The following CLYBL variants were observed in gnomAD, a reference collection of about 807,000 sequenced individuals.
CLYBL encodes the protein citramalyl-CoA lyase, mitochondrial.
In CLYBL, 31 loss-of-function variants were observed where a neutral mutation model predicts 38.9. The ratio of observed to expected loss-of-function variants is 0.80; its 90% CI spans 0.60 to 1.08. CLYBL has a LOEUF of 1.08. Among genes scored for constraint, CLYBL ranks in the 50% least tolerant of loss-of-function variants. The pLI is 0.00. For missense variants in CLYBL, 434 were observed against 411.6 expected (o/e 1.05, Z -0.47); for synonymous variants, 171 against 158.6 (o/e 1.08, Z -0.59).
intron 1 of CLYBL, among the ~76,000 whole-genome samples, chr13:99,771,744 G>A (rs1244954069): frequency 6.6e-6 from 1 of 152,140 alleles, no homozygotes; most frequent in African/African-American, 2.4e-5. Context: ...TTAGAAGCAG[G>A]CAGGGGCTAC....
At chr13:99,717,039 C>T (rs2048327360) in intron 1 of CLYBL, among the ~76,000 whole-genome samples, 2 of 151,884 alleles carry the variant, frequency 1.3e-5, no homozygotes, top group Non-Finnish European at 2.9e-5. Flanking sequence ...AATCCGCCCA[C>T]CTTGGCCTCG....
chr13:99,634,676 A>C (rs1429953193), intron 1 of CLYBL, among the ~76,000 whole-genome samples: 6 of 152,124 alleles, frequency 3.9e-5, no homozygotes, highest in Admixed American at 3.9e-4. Context: ...TTTTTAAATA[A>C]ATTTTTAAAT....
In CLYBL at chr13:99,869,918, CATT is replaced by C. The variant is rs142865231; in HGVS notation, c.803-1014_803-1012del. On this transcript the variant is annotated intron_variant, in intron 6 of 8. Coordinates refer to ENST00000339105, the MANE Select transcript of CLYBL (RefSeq NM_206808.5). The surrounding 1 kb of genome is among the most constrained non-coding windows in gnomAD (Gnocchi z 4.3). ...TTATCACGTAACAATATAATCTCATCATTATTATAACATTAAATTATGTTGCAT... is the reference window on the plus strand; with the variant it reads ...TTATCACGTAACAATATAATCTCATCATTATAACATTAAATTATGTTGCAT... Among the ~76,000 whole-genome samples the C allele has an allele frequency of 3.0e-3, 459 of 152,042 alleles. 2 individuals are homozygous for C. The highest frequency in any genetic ancestry group is 0.011 in the African/African-American group (441 of 41,500).
intron 1 of CLYBL, among the ~76,000 whole-genome samples, chr13:99,771,107 C>T (rs1369792306): frequency 6.7e-6 from 1 of 148,530 alleles, no homozygotes; most frequent in African/African-American, 2.5e-5. Flanking sequence ...GATCACAGCT[C>T]ATTGCAACCT....
At chr13:99,777,973 G>A (rs144514889) in intron 2 of CLYBL, among the ~76,000 whole-genome samples, 8 of 152,290 alleles carry the variant, frequency 5.3e-5, no homozygotes, top group Non-Finnish European at 8.8e-5. Flanking sequence ...TCACCTGCTC[G>A]TGTATGTCCT....
At chr13:99,637,687 G>A (rs2047038610) in intron 1 of CLYBL, among the ~76,000 whole-genome samples, 2 of 152,326 alleles carry the variant, frequency 1.3e-5, no homozygotes, top group South Asian at 4.1e-4. Flanking sequence ...GAACCCAGGA[G>A]GTGGAGGTTG....
chr13:99,741,440 C>T (rs11616786), intron 1 of CLYBL, among the ~76,000 whole-genome samples: 10,511 of 152,184 alleles, frequency 0.069, 382 homozygotes, highest in Middle Eastern at 0.12. Flanking sequence ...CTTCATCCAT[C>T]GAGGGCTTGT....
chr13:99,685,538 TA>T (rs11355981), intron 1 of CLYBL, among the ~76,000 whole-genome samples: 10,091 of 152,220 alleles, frequency 0.066, 1,120 homozygotes, highest in African/African-American at 0.23. Flanking sequence ...CAACCTCCTC[TA>T]CTGAAACCGA....
chr13:99,903,020 T>TTTCTA (rs2052658343), intron 8 of CLYBL, among the ~76,000 whole-genome samples: 1 of 152,280 alleles, frequency 6.6e-6, no homozygotes. Flanking sequence ...TTCTATTTCC[T>TTTCTA]GTGACCTATC....
intron 1 of CLYBL, among the ~76,000 whole-genome samples, chr13:99,768,246 T>C (rs1441522775): frequency 2.7e-4 from 36 of 134,324 alleles, no homozygotes; most frequent in Admixed American, 4.5e-4. Context: ...CAGGCTGGAG[T>C]GCAAACGGTG....
chr13:99,885,225 G>A, intron 7 of CLYBL: 1 of 383,142 alleles, frequency 2.6e-6, no homozygotes, highest in Non-Finnish European at 5.2e-6. Flanking sequence ...CAGGGAAAGG[G>A]TGGAGAGGGA....
At chr13:99,773,501 G>A (rs894644776) in intron 2 of CLYBL, among the ~76,000 whole-genome samples, 4 of 152,128 alleles carry the variant, frequency 2.6e-5, no homozygotes, top group Non-Finnish European at 2.9e-5. Flanking sequence ...TGTGAACTGC[G>A]CACGTGAAGG....
chr13:99,906,059 C>T (rs1157058100), intron 9 of CLYBL, among the ~76,000 whole-genome samples: 9 of 152,194 alleles, frequency 5.9e-5, no homozygotes, highest in African/African-American at 1.9e-4. Context: ...CAGGCATGAG[C>T]CATGACACTC....
At chr13:99,900,886 C>T (rs1484693253), downstream of CLYBL, among the ~76,000 whole-genome samples, 1 of 152,206 alleles carries the variant, frequency 6.6e-6, no homozygotes, top group Non-Finnish European at 1.5e-5. Context: ...TTCAAACAAC[C>T]AGTCATCAAA....
chr13:99,665,877 G>A (rs1201920061), intron 1 of CLYBL, among the ~76,000 whole-genome samples: 3 of 152,176 alleles, frequency 2.0e-5, no homozygotes, highest in Non-Finnish European at 2.9e-5. Flanking sequence ...TGGAATTCGC[G>A]CCACCCTGAC....
intron 1 of CLYBL, among the ~76,000 whole-genome samples, chr13:99,626,658 G>C (rs1694142212): frequency 6.6e-6 from 1 of 152,132 alleles, no homozygotes. Context: ...AATACTGCCA[G>C]TTATTTGGAG....
At chr13:99,733,284 A>C (rs77375243) in intron 1 of CLYBL, among the ~76,000 whole-genome samples, 3,345 of 151,984 alleles carry the variant, frequency 0.022, 110 homozygotes, top group African/African-American at 0.077. Flanking sequence ...AAAAAAAAAA[A>C]CAAACTGTAA....
chr13:99,908,224 C>T (rs2052716729), exon 10 of CLYBL, among the ~76,000 whole-genome samples: 1 of 152,234 alleles, frequency 6.6e-6, no homozygotes, highest in Non-Finnish European at 1.5e-5. Context: ...TTGGCTCCAG[C>T]TCTGTGCTCT....
intron 1 of CLYBL, among the ~76,000 whole-genome samples, chr13:99,704,331 A>G (rs2048114476): frequency 6.6e-6 from 1 of 152,176 alleles, no homozygotes; most frequent in Non-Finnish European, 1.5e-5. Flanking sequence ...GGAATATATT[A>G]CTTTGATGGT....
Sources: gnomAD v4.1 joint callset for allele counts (sites outside exome capture counted in the v4.1 genomes callset) on GRCh38, gnomAD v4.1.1 for gene constraint, Gnocchi (gnomAD v3.1) non-coding constraint, MANE v1.5 for transcripts, NCBI Gene and HGNC (gene_info 2026-07-23, HGNC 2026-07-21) for gene names.